KLHL1: variants seen among roughly 807,000 people sequenced by gnomAD.
KLHL1 encodes the protein kelch like family member 1, also known as kelch-like protein 1.
A neutral mutation model predicts 77.7 loss-of-function variants in KLHL1; 47 were observed. The observed-to-expected ratio is 0.60, with a 90% CI of 0.48 to 0.77. KLHL1 has a LOEUF of 0.77. KLHL1 is among the 30% of genes least tolerant of loss of function. KLHL1 has a pLI of 0.00. For missense variants in KLHL1, 925 were observed against 910.8 expected (o/e 1.02, Z -0.20); for synonymous variants, 360 against 325.2 (o/e 1.11, Z -1.15).
At chr13:69,837,672 A>C (rs542165151) in intron 6 of KLHL1, among the ~76,000 whole-genome samples, 2 of 133,866 alleles carry the variant, frequency 1.5e-5, no homozygotes. Context: ...GTGTGTGTGT[A>C]TATATATATA....
chr13:69,730,467 C>T (rs1001778717), intron 8 of KLHL1, among the ~76,000 whole-genome samples: 4 of 151,154 alleles, frequency 2.6e-5, no homozygotes, highest in Admixed American at 1.3e-4. Context: ...ACTAAATAAC[C>T]GACTGTTACT....
At chr13:69,967,751 G>T (rs1375823843) in intron 2 of KLHL1, among the ~76,000 whole-genome samples, 1 of 152,110 alleles carries the variant, frequency 6.6e-6, no homozygotes, top group Admixed American at 6.6e-5. Flanking sequence ...TGGGCGTGGT[G>T]GCGCGTGCCT....
intron 1 of KLHL1, among the ~76,000 whole-genome samples, chr13:70,017,863 A>C (rs1180398759): frequency 6.6e-6 from 1 of 152,220 alleles, no homozygotes; most frequent in Non-Finnish European, 1.5e-5. Context: ...AGATAATTCC[A>C]AAAATTTAAG....
chr13:70,067,474 T>A lies in KLHL1; in HGVS notation c.497+39729A>T, dbSNP rs77026269. On this transcript the variant is annotated intron_variant, in intron 1 of 10. Transcript: ENST00000377844. ...GTTACATAGGGACTTGGACCTTGTA[T>A]GGGGAAAGCCGGTGGAGAACGAAGG... 1.4e-3 allele frequency among the ~76,000 whole-genome samples: 217 copies of A among 152,200 alleles called. 3 individuals are homozygous for A. The East Asian group carries it at 0.032, about 22-fold the overall frequency.
chr13:69,892,546 A>G (rs940883156), intron 4 of KLHL1, among the ~76,000 whole-genome samples: 4 of 152,186 alleles, frequency 2.6e-5, no homozygotes, highest in African/African-American at 4.8e-5. Flanking sequence ...ATATTGTGTC[A>G]GGCGGTGCTC....
rs181629244 is a variant in KLHL1, at chr13:70,082,644, T to G, written c.497+24559A>C. 1.4e-4 allele frequency among the ~76,000 whole-genome samples: 22 copies of G among 152,330 alleles called. No individual in the cohort carries two copies. The East Asian group carries it at 4.2e-3, about 29-fold the overall frequency. On this transcript the variant is annotated intron_variant, in intron 1 of 10. Coordinates refer to ENST00000377844, the MANE Select transcript of KLHL1 (RefSeq NM_020866.3). ...CAATTTTTATTTAAATACAGGTACATGTGCAGGTTTGTTACCTGGGCATAT... is the reference window on the plus strand; with the variant it reads ...CAATTTTTATTTAAATACAGGTACAGGTGCAGGTTTGTTACCTGGGCATAT...
chr13:69,715,732 A>G (rs1016629693), intron 9 of KLHL1, among the ~76,000 whole-genome samples: 3 of 152,054 alleles, frequency 2.0e-5, no homozygotes, highest in African/African-American at 7.2e-5. Context: ...AAACAATGAC[A>G]ACAACAAACT....
chr13:69,974,748 A>C (rs1884493397), intron 2 of KLHL1, among the ~76,000 whole-genome samples: 1 of 152,070 alleles, frequency 6.6e-6, no homozygotes, highest in East Asian at 1.9e-4. Flanking sequence ...TTGAATTATT[A>C]ACTAGATGCT....
At chr13:69,748,202 G>C (rs1190155448) in intron 7 of KLHL1, among the ~76,000 whole-genome samples, 3 of 152,014 alleles carry the variant, frequency 2.0e-5, no homozygotes, top group Non-Finnish European at 4.4e-5. Context: ...ATGAGTTCTG[G>C]TTTAGGAGTC....
chr13:69,942,620 C>T (rs1409324843), intron 3 of KLHL1, among the ~76,000 whole-genome samples: 1 of 151,846 alleles, frequency 6.6e-6, no homozygotes, highest in Non-Finnish European at 1.5e-5. Flanking sequence ...TTGCAAAACC[C>T]ACCCATATAA....
At chr13:69,791,445 A>T (rs1255723582) in intron 7 of KLHL1, among the ~76,000 whole-genome samples, 5 of 152,142 alleles carry the variant, frequency 3.3e-5, no homozygotes, top group Non-Finnish European at 4.4e-5. Flanking sequence ...TTTTTAAAAA[A>T]ATATGGAAAT....
intron 1 of KLHL1, among the ~76,000 whole-genome samples, chr13:70,012,291 T>C (rs1758096099): frequency 6.6e-6 from 1 of 152,204 alleles, no homozygotes. Flanking sequence ...AAGTTCATAT[T>C]CCCTTCACTA....
At chr13:70,095,881 T>C (rs1887777942) in intron 1 of KLHL1, among the ~76,000 whole-genome samples, 1 of 151,848 alleles carries the variant, frequency 6.6e-6, no homozygotes, top group African/African-American at 2.4e-5. Flanking sequence ...TAACCATCAT[T>C]ATACACTCTA....
chr13:69,728,649 C>CAAAAAAAAAAAAAAA (rs536317353), intron 8 of KLHL1, among the ~76,000 whole-genome samples: 3 of 132,822 alleles, frequency 2.3e-5, no homozygotes, highest in African/African-American at 5.7e-5. Context: ...CTAAAAATGC[C>CAAAAAAAAAAAAAAA]AAAAAAAAAA....
At chr13:69,907,552 A>T (rs1357966770) in intron 4 of KLHL1, among the ~76,000 whole-genome samples, 1 of 152,082 alleles carries the variant, frequency 6.6e-6, no homozygotes, top group East Asian at 1.9e-4. Context: ...AGATATTGAA[A>T]GTCATGGGTA....
chr13:69,807,268 G>A (rs1877655509), intron 6 of KLHL1, among the ~76,000 whole-genome samples: 1 of 151,996 alleles, frequency 6.6e-6, no homozygotes, highest in Non-Finnish European at 1.5e-5. Flanking sequence ...CCCTCTCCAG[G>A]CTCAAGATAC....
chr13:69,836,812 C>G (rs1043182033), intron 6 of KLHL1, among the ~76,000 whole-genome samples: 12 of 151,280 alleles, frequency 7.9e-5, no homozygotes, highest in African/African-American at 2.9e-4. Context: ...CAGGATTGTA[C>G]CATAGGCTGT....
At chr13:69,878,419 A>C (rs188692319) in intron 5 of KLHL1, among the ~76,000 whole-genome samples, 1 of 152,214 alleles carries the variant, frequency 6.6e-6, no homozygotes, top group East Asian at 1.9e-4. Context: ...TTACATCTGC[A>C]GGAATTACCT....
intron 1 of KLHL1, among the ~76,000 whole-genome samples, chr13:69,976,329 T>C (rs1171858949): frequency 6.6e-6 from 1 of 152,052 alleles, no homozygotes; most frequent in Admixed American, 6.6e-5. Context: ...TTGACTTTCA[T>C]GTTCTGCACC....
Sources: gnomAD v4.1 joint callset for allele counts (sites outside exome capture counted in the v4.1 genomes callset) on GRCh38, gnomAD v4.1.1 for gene constraint, MANE v1.5 for transcripts, NCBI Gene and HGNC (gene_info 2026-07-23, HGNC 2026-07-21) for gene names.